Variants in PTDSS2 observed in about 807,000 individuals in gnomAD.
PTDSS2 encodes PSS-2.
In PTDSS2, 41 loss-of-function variants were observed where a neutral mutation model predicts 64.7. The observed-to-expected ratio is 0.63, with a 90% CI of 0.49 to 0.82. The LOEUF is 0.82. Ranked by LOEUF, PTDSS2 falls within the 40% of genes least tolerant of loss-of-function variation. The pLI is 0.00. For synonymous variants in PTDSS2, 297 were observed against 277.8 expected (o/e 1.07, Z -0.69); for missense variants, 485 against 650.0 (o/e 0.75, Z 2.76).
In PTDSS2 at chr11:466,306, C is replaced by T. The variant is rs542817684; in HGVS notation, c.284+6018C>T. On this transcript the variant is annotated intron_variant, in intron 2 of 11. Transcript: ENST00000308020. ...GAATTGCTGGGGAGGCCTCAGGAAA[C>T]GTACAATCACTGTGGAAGGCAAAAG... 1.9e-3 allele frequency among the ~76,000 whole-genome samples: 293 copies of T among 151,892 alleles called. 1 individual carries two copies. The highest frequency in any genetic ancestry group is 6.7e-3 in the African/African-American group (278 of 41,402).
rs555708132 is a variant in PTDSS2, at chr11:470,198, G to A, written c.285-3697G>A. The stretch of plus-strand genomic sequence containing the variant: ...GGAGGACGCTGCAGCCGAGGTGCCC[G>A]CAGACACCCCCAAGCCCAGTGGTCA... On this transcript the variant is annotated intron_variant, in intron 2 of 11. Coordinates refer to ENST00000308020, the MANE Select transcript of PTDSS2 (RefSeq NM_030783.3). The surrounding 1 kb of genome is among the most constrained non-coding windows in gnomAD (Gnocchi z 5.3). Among the ~76,000 whole-genome samples the A allele has an allele frequency of 1.2e-4, 19 of 152,328 alleles. No individual in the cohort carries two copies. In the East Asian group the frequency reaches 2.5e-3, roughly 20 times the overall value.
chr11:455,956 G>C (rs957616279), intron 1 of PTDSS2, among the ~76,000 whole-genome samples: 20 of 152,074 alleles, frequency 1.3e-4, no homozygotes. Context: ...AGGAGGCTCC[G>C]GGCCCCACCC....
At chr11:474,194 T>G (rs1413644206) in intron 3 of PTDSS2, among the ~76,000 whole-genome samples, 3 of 152,226 alleles carry the variant, frequency 2.0e-5, no homozygotes, top group Non-Finnish European at 4.4e-5. Flanking sequence ...AGGCCTTCTC[T>G]GGCCCTTTCA....
At chr11:469,222 A>G (rs111163699) in intron 2 of PTDSS2, among the ~76,000 whole-genome samples, 21 of 97,098 alleles carry the variant, frequency 2.2e-4, no homozygotes, top group Non-Finnish European at 2.1e-4. Context: ...GGTAATCGGA[A>G]GGAGGAGGAG....
chr11:461,299 C>T lies in PTDSS2; in HGVS notation c.284+1011C>T, dbSNP rs1846871500. 6.6e-6 allele frequency among the ~76,000 whole-genome samples: 1 copy of T among 152,206 alleles called. No individual in the cohort carries two copies. The highest frequency in any genetic ancestry group is 2.4e-5 in the African/African-American group (1 of 41,448). On this transcript the variant is annotated intron_variant, in intron 2 of 11. Coordinates refer to ENST00000308020, the MANE Select transcript of PTDSS2 (RefSeq NM_030783.3). The surrounding 1 kb of genome is among the most constrained non-coding windows in gnomAD (Gnocchi z 4.2). ...ACGGGCGTTGGTGGCCCTGTTTGCC[C>T]ACTGATTTGACACCAGCCCTGTGGG...
In PTDSS2 at chr11:490,666, G is replaced by A; in HGVS notation, c.*84G>A. Reference sequence around the variant, plus strand: ...GTGTGAGTCCCACCAGGAGCCACGTGCCCGGCCTTGCCCTCAAGGTTTTTT... The same window carrying A: ...GTGTGAGTCCCACCAGGAGCCACGTACCCGGCCTTGCCCTCAAGGTTTTTT... On this transcript the variant is annotated 3_prime_UTR_variant, in exon 12 of 12. Transcript: ENST00000308020. The A allele has an allele frequency of 4.4e-6, 6 of 1,370,530 alleles. No homozygotes were observed. Among genetic ancestry groups the A allele is most frequent in the Non-Finnish European group, 5.9e-6 (6 of 1,023,504 alleles). 84.9% of individuals were successfully genotyped at this position (1,370,530 alleles called of 1,614,324 possible). A position where few individuals can be genotyped will look rare whatever the true frequency, so the allele number is the denominator to read the frequency against.
intron 2 of PTDSS2, chr11:463,170 A>G (rs1206143810): frequency 6.6e-6 from 1 of 152,022 alleles, no homozygotes; most frequent in Non-Finnish European, 1.5e-5. Context: ...GTCTCAAAAA[A>G]AAAAAAAGAA....
In PTDSS2 at chr11:450,550, C is replaced by T. The variant is rs889096423; in HGVS notation, c.95C>T (p.Pro32Leu). The T allele has an allele frequency of 3.2e-6, 4 of 1,242,452 alleles. No homozygotes were observed. The highest frequency in any genetic ancestry group is 3.1e-5 in the African/African-American group (2 of 64,212). The allele number at this position is 1,242,452 out of a possible 1,614,324, so 77.0% of individuals were successfully genotyped here. The part of the protein sequence containing the change: ...RASLEEPPDG[P>L]SAGQATGPGE... ...TCGCTGGAGGAGCCGCCTGACGGGCCGTCTGCCGGCCAAGCCACCGGGCCG... is the reference window on the plus strand; with the variant it reads ...TCGCTGGAGGAGCCGCCTGACGGGCTGTCTGCCGGCCAAGCCACCGGGCCG... The change falls in exon 1 of 12, where the codon CCG (proline) becomes CTG (leucine). Residue 32 changes from proline (P) to leucine (L), a missense_variant. Pro to Leu is a moderately conservative substitution (Grantham distance 98). Coordinates refer to ENST00000308020, the MANE Select transcript of PTDSS2 (RefSeq NM_030783.3).
chr11:487,429 G>C lies in PTDSS2; in HGVS notation c.580G>C (p.Asp194His). The C allele has an allele frequency of 6.2e-7, 1 of 1,613,982 alleles. No individual in the cohort carries two copies. Among genetic ancestry groups the C allele is most frequent in the South Asian group, 1.1e-5 (1 of 91,090 alleles). The change falls in exon 6 of 12, where the codon GAT becomes CAT. Residue 194 changes from aspartate to histidine, a missense_variant. This residue lies in a region of PTDSS2 where 251 missense variants were observed against 348.0 expected (regional missense o/e 0.72). Transcript: ENST00000308020. ...ACCCTGTCGCCCACAGGACAAGTTG[G>C]ATGGCTTTGTTCCCGCGCACTTTCT... Reference protein sequence around the residue: ...DPFHNIWDKLDGFVPAHFLGW... With the variant: ...DPFHNIWDKLHGFVPAHFLGW...
chr11:466,864 G>A (rs545717855), intron 2 of PTDSS2, among the ~76,000 whole-genome samples: 9 of 152,216 alleles, frequency 5.9e-5, no homozygotes, highest in Admixed American at 4.6e-4. Flanking sequence ...CAGCGAAACC[G>A]TGTCACATGG....
At chr11:471,923 A>G (rs61876327) in intron 2 of PTDSS2, among the ~76,000 whole-genome samples, 42,368 of 103,116 alleles carry the variant, frequency 0.41, 7,659 homozygotes, top group African/African-American at 0.52. Flanking sequence ...CCTGTCGGGC[A>G]GATGGTGGCC....
chr11:488,429 G>A (rs1390352984), intron 7 of PTDSS2, 100 bp from the exon 8 acceptor site: 4 of 1,333,368 alleles, frequency 3.0e-6, no homozygotes, highest in East Asian at 2.3e-5. Context: ...AGTGGGTGCA[G>A]GCTGAGGGGC....
chr11:479,160 G>A lies in PTDSS2; in HGVS notation c.435+8G>A, dbSNP rs2301168. The A allele has an allele frequency of 6.2e-7, 1 of 1,611,964 alleles. No homozygotes were observed. The stretch of plus-strand genomic sequence containing the variant: ...ATCTTTATACTCTTCCAGGTAAGCT[G>A]TTTTTCTGGGTTGGATACCTGGGAA... On this transcript the variant is annotated splice_region_variant and intron_variant, in intron 4 of 11. Transcript: ENST00000308020. This position sits in a 1 kb window ranked among gnomAD's most constrained non-coding sequence, Gnocchi z 4.2.
chr11:454,171 C>A (rs980822440), intron 1 of PTDSS2, among the ~76,000 whole-genome samples: 2 of 152,154 alleles, frequency 1.3e-5, no homozygotes, highest in African/African-American at 4.8e-5. Flanking sequence ...TGGATTTGAG[C>A]AGCTCTGAGA....
chr11:461,860 A>C lies in PTDSS2; in HGVS notation c.284+1572A>C, dbSNP rs1039968490. On this transcript the variant is annotated intron_variant, in intron 2 of 11. Transcript: ENST00000308020. This position sits in a 1 kb window ranked among gnomAD's most constrained non-coding sequence, Gnocchi z 4.2. Reference sequence around the variant, plus strand: ...GCCCCTGTGGAGGGGCCACCTGGGGACGCTGGACCTGTGGCTCTGGAGGCA... The same window carrying C: ...GCCCCTGTGGAGGGGCCACCTGGGGCCGCTGGACCTGTGGCTCTGGAGGCA... Among the ~76,000 whole-genome samples the C allele has an allele frequency of 6.6e-6, 1 of 152,108 alleles. No homozygotes were observed. Among genetic ancestry groups the C allele is most frequent in the Non-Finnish European group, 1.5e-5 (1 of 67,998 alleles).
In PTDSS2 at chr11:489,418, C is replaced by A. The variant is rs570734704; in HGVS notation, c.873C>A (p.Ile291=). 6 of 1,613,216 alleles carry A rather than the reference C, an allele frequency of 3.7e-6. No individual in the cohort carries two copies. Among genetic ancestry groups the A allele is most frequent in the Non-Finnish European group, 4.2e-6 (5 of 1,179,790 alleles). Reference sequence around the variant, plus strand: ...TTCCCAGGGGCAAGATGAAGAGGATCGCCTTCCAGTTCACGCCGTACAGCT... The same window carrying A: ...TTCCCAGGGGCAAGATGAAGAGGATAGCCTTCCAGTTCACGCCGTACAGCT... ...IPTYKGKMKR[I]AFQFTPYSWV... is the part of the protein sequence containing the mutation. The change falls in exon 9 of 12, where the codon ATC becomes ATA. Residue 291 remains isoleucine (I), a synonymous_variant. Transcript: ENST00000308020.
At position 450,557 on chromosome 11, in the gene PTDSS2, C is replaced by G; in HGVS notation, c.102C>G (p.Ala34=). Residue 34 remains alanine, a synonymous_variant, in exon 1 of 12, where the codon GCC becomes GCG. Transcript: ENST00000308020. ...AGGAGCCGCCTGACGGGCCGTCTGCCGGCCAAGCCACCGGGCCGGGCGAGG... is the reference window on the plus strand; with the variant it reads ...AGGAGCCGCCTGACGGGCCGTCTGCGGGCCAAGCCACCGGGCCGGGCGAGG... ...SLEEPPDGPS[A]GQATGPGEGR... is the part of the protein sequence containing the mutation. The G allele has an allele frequency of 1.6e-6, 2 of 1,242,904 alleles. No individual in the cohort carries two copies. The highest frequency in any genetic ancestry group is 2.0e-6 in the Non-Finnish European group (2 of 986,054). 77.0% of individuals were successfully genotyped at this position (1,242,904 alleles called of 1,614,324 possible). A position where few individuals can be genotyped will look rare whatever the true frequency, so the allele number is the denominator to read the frequency against.
At chr11:464,378 G>A (rs7937939) in intron 2 of PTDSS2, among the ~76,000 whole-genome samples, 4,566 of 152,330 alleles carry the variant, frequency 0.03, 228 homozygotes, top group African/African-American at 0.1. Flanking sequence ...AACAGACTCA[G>A]AGCCCCGTGT....
chr11:470,241 C>T lies in PTDSS2; in HGVS notation c.285-3654C>T, dbSNP rs938936517. On this transcript the variant is annotated intron_variant, in intron 2 of 11. Transcript: ENST00000308020. This position sits in a 1 kb window ranked among gnomAD's most constrained non-coding sequence, Gnocchi z 5.3. Reference sequence around the variant, plus strand: ...AGTGGTCAGGTCAGCATGCACTGGTCATGTTCATGGCGTGGCCGACGGGGA... The same window carrying T: ...AGTGGTCAGGTCAGCATGCACTGGTTATGTTCATGGCGTGGCCGACGGGGA... Among the ~76,000 whole-genome samples, 2 of 152,232 alleles carry T rather than the reference C, an allele frequency of 1.3e-5. No individual in the cohort carries two copies. The highest frequency in any genetic ancestry group is 2.4e-5 in the African/African-American group (1 of 41,460).
Sources: gnomAD v4.1 joint callset for allele counts (sites outside exome capture counted in the v4.1 genomes callset) on GRCh38, gnomAD v4.1.1 for gene constraint, gnomAD v4.1.1 regional missense constraint, Gnocchi (gnomAD v3.1) non-coding constraint, MANE v1.5 for transcripts, NCBI Gene and HGNC (gene_info 2026-07-23, HGNC 2026-07-21) for gene names.